Variants in TEK observed in about 807,000 individuals in gnomAD.
TEK encodes the protein TEK receptor tyrosine kinase, also known as angiopoietin-1 receptor.
Under a neutral mutation model 131.8 loss-of-function variants are expected in TEK, and 43 were observed. The observed-to-expected ratio is 0.33, with a 90% confidence interval of 0.26 to 0.42. TEK has a LOEUF of 0.42. Ranked by LOEUF, TEK falls within the 10% of genes least tolerant of loss-of-function variation. The pLI, the probability that TEK is intolerant of heterozygous loss-of-function variation, is 1.00. For missense variants in TEK, 1,162 were observed against 1,384.4 expected (o/e 0.84, Z 2.55); for synonymous variants, 580 against 491.6 (o/e 1.18, Z -2.38).
At chr9:27,204,120 C>G (rs1336883144) in intron 13 of TEK, among the ~76,000 whole-genome samples, 1 of 152,086 alleles carries the variant, frequency 6.6e-6, no homozygotes, top group East Asian at 1.9e-4. Context: ...CAAGAGAAAA[C>G]TTTTAAAACA....
At chr9:27,131,083 T>C (rs1822196162) in intron 1 of TEK, among the ~76,000 whole-genome samples, 1 of 152,130 alleles carries the variant, frequency 6.6e-6, no homozygotes, top group Non-Finnish European at 1.5e-5. Context: ...TAAAAACAAG[T>C]GAAAAGGCTC....
chr9:27,164,709 T>A (rs923655078), intron 2 of TEK, among the ~76,000 whole-genome samples: 1 of 152,118 alleles, frequency 6.6e-6, no homozygotes, highest in Admixed American at 6.5e-5. Flanking sequence ...TTTAAATATT[T>A]TTTTTGTATG....
Position 27,213,530 on chromosome 9 carries a change from A to G in TEK, c.2924A>G (p.Asn975Ser). 1 of 1,614,040 alleles carries G rather than the reference A, an allele frequency of 6.2e-7. No homozygotes were observed. ...LAARNILVGE[N>S]YVAKIADFGL... ...GCCAGAAACATTTTAGTTGGTGAAA[A>G]CTATGTGGCAAAAATAGCAGATTTT... The change falls in exon 18 of 23, where the codon AAC becomes AGC. Residue 975 changes from asparagine (N) to serine (S), a missense_variant. By Grantham distance (46) the Asn-to-Ser change is conservative (BLOSUM62 1). This residue lies in a region of TEK where 107 missense variants were observed against 173.9 expected (regional missense o/e 0.62). Transcript: ENST00000380036.
chr9:27,188,297 G>A (rs1218127573), intron 9 of TEK, among the ~76,000 whole-genome samples: 5 of 152,154 alleles, frequency 3.3e-5, no homozygotes, highest in Non-Finnish European at 7.4e-5. Context: ...GTACACATAG[G>A]TAAAGTCCCT....
At chr9:27,204,803 A>T in intron 13 of TEK, 108 bp from the exon 14 acceptor site, 1 of 1,470,056 alleles carries the variant, frequency 6.8e-7, no homozygotes. Flanking sequence ...TGGCAGGGTT[A>T]AGGCTGCTGT....
intron 21 of TEK, among the ~76,000 whole-genome samples, chr9:27,222,780 G>A (rs377401432): frequency 3.9e-4 from 59 of 152,118 alleles, no homozygotes; most frequent in African/African-American, 1.2e-3. Flanking sequence ...AAAGACCATC[G>A]ACACTACAAA....
chr9:27,184,301 C>G (rs1025031188), intron 8 of TEK, among the ~76,000 whole-genome samples: 1 of 152,192 alleles, frequency 6.6e-6, no homozygotes, highest in Non-Finnish European at 1.5e-5. Context: ...TCTCTCCCAA[C>G]TATACCAAAT....
At position 27,226,015 on chromosome 9, in the gene TEK, T is replaced by A. The variant is rs144646715; in HGVS notation, c.3201-2191T>A. Among the ~76,000 whole-genome samples, 35 of 152,210 alleles carry A rather than the reference T, an allele frequency of 2.3e-4. 1 individual carries two copies. The highest frequency in any genetic ancestry group is 1.6e-3 in the Admixed American group (25 of 15,280). On this transcript the variant is annotated intron_variant, in intron 21 of 22. Coordinates refer to ENST00000380036, the MANE Select transcript of TEK (RefSeq NM_000459.5). ...TCACTGGTCATTAGAGAAATGCATA[T>A]CAAAACCACAATGAGATGCCATTTC...
chr9:27,109,440 C>A lies in TEK; in HGVS notation c.-151C>A. On this transcript the variant is annotated 5_prime_UTR_variant, in exon 1 of 23. In the 5' UTR this introduces an upstream ATG that the reference lacks. Coordinates refer to ENST00000380036, the MANE Select transcript of TEK (RefSeq NM_000459.5). ...CAGACAGAAATGAGACTGTTACAGC[C>A]TGCTTCTGTGCTGTTCCTTCTTGCC... The A allele has an allele frequency of 3.8e-6, 3 of 790,972 alleles. No homozygotes were observed. Among genetic ancestry groups the A allele is most frequent in the South Asian group, 1.5e-5 (1 of 68,724 alleles). 49.0% of individuals were successfully genotyped at this position (790,972 alleles called of 1,614,324 possible).
rs766878965 is a variant in TEK, at chr9:27,192,643, C to G, written c.1624+20C>G. 2.6e-5 allele frequency: 34 copies of G among 1,313,238 alleles called. No homozygotes were observed. Among genetic ancestry groups the G allele is most frequent in the Non-Finnish European group, 3.4e-5 (33 of 982,608 alleles). The allele number at this position is 1,313,238 out of a possible 1,614,324, so 81.3% of individuals were successfully genotyped here. A position where few individuals can be genotyped will look rare whatever the true frequency, so the allele number is the denominator to read the frequency against. The stretch of plus-strand genomic sequence containing the variant: ...CTATCGGTCAGTGGAAGCCAACAGG[C>G]ATTTATTCATGAGCTGGGTGGGAGG... On this transcript the variant is annotated intron_variant, in intron 11 of 22. Transcript: ENST00000380036.
intron 16 of TEK, 89 bp downstream of exon 16, chr9:27,209,320 G>A (rs1825515824): frequency 1.0e-6 from 1 of 968,876 alleles, no homozygotes; most frequent in Non-Finnish European, 1.6e-6. Context: ...ATGATCTTAA[G>A]AATGTTGCCT....
intron 21 of TEK, among the ~76,000 whole-genome samples, chr9:27,222,410 C>T (rs778856700): frequency 5.9e-5 from 9 of 151,994 alleles, no homozygotes; most frequent in Non-Finnish European, 1.2e-4. Flanking sequence ...ACACATAAAT[C>T]GTTAGATTCA....
intron 13 of TEK, 50 bp downstream of exon 13, chr9:27,203,169 G>A: frequency 1.9e-6 from 3 of 1,601,414 alleles, no homozygotes; most frequent in Non-Finnish European, 2.6e-6. Context: ...CAGCCCTATA[G>A]GCAGCTGGTT....
At chr9:27,192,421 C>T in intron 10 of TEK, 68 bp from the exon 11 acceptor site, 1 of 1,598,532 alleles carries the variant, frequency 6.3e-7, no homozygotes, top group Non-Finnish European at 8.6e-7. Flanking sequence ...ATCGCAATAA[C>T]AACAACCCCG....
chr9:27,110,517 C>T (rs1382927100), intron 1 of TEK, among the ~76,000 whole-genome samples: 2 of 152,152 alleles, frequency 1.3e-5, no homozygotes, highest in African/African-American at 4.8e-5. Flanking sequence ...ATCAGTCTCT[C>T]CCCTTCGGTT....
chr9:27,160,665 T>C (rs1009744508), intron 2 of TEK, among the ~76,000 whole-genome samples: 3 of 152,224 alleles, frequency 2.0e-5, no homozygotes, highest in Admixed American at 2.0e-4. Context: ...TGAAAAGATT[T>C]GAAGGCAGCA....
intron 20 of TEK, among the ~76,000 whole-genome samples, chr9:27,219,046 T>C (rs1343015301): frequency 3.3e-5 from 5 of 149,722 alleles, no homozygotes; most frequent in African/African-American, 9.9e-5. Context: ...CTTTATTATA[T>C]ATTAATTGGC....
intron 1 of TEK, among the ~76,000 whole-genome samples, chr9:27,135,084 G>T (rs985087902): frequency 7.1e-6 from 1 of 141,276 alleles, no homozygotes; most frequent in Admixed American, 7.2e-5. Context: ...AATTAGCTGG[G>T]CATGGTGGTG....
chr9:27,198,402 G>A (rs1432292692), intron 12 of TEK: 1 of 152,258 alleles, frequency 6.6e-6, no homozygotes, highest in African/African-American at 2.4e-5. Context: ...GTCTGAGGCT[G>A]TCTTTGCAGC....
Sources: allele counts gnomAD v4.1 joint callset (sites outside exome capture counted in the v4.1 genomes callset), GRCh38; gene constraint gnomAD v4.1.1; regional missense constraint gnomAD v4.1.1; transcripts MANE v1.5; gene names NCBI Gene and HGNC (gene_info 2026-07-23, HGNC 2026-07-21).